Variants in PLCG2 observed in about 807,000 individuals in gnomAD.
The protein encoded by PLCG2 is phospholipase C gamma 2, also known as 1-phosphatidylinositol 4,5-bisphosphate phosphodiesterase gamma-2.
A neutral mutation model predicts 175.6 loss-of-function variants in PLCG2; 69 were observed. The ratio of observed to expected loss-of-function variants is 0.39; its 90% CI spans 0.32 to 0.48. PLCG2 has a LOEUF of 0.48. PLCG2 is among the 20% of genes least tolerant of loss of function. The pLI, the probability that PLCG2 is intolerant of heterozygous loss-of-function variation, is 0.91. For synonymous variants in PLCG2, 827 were observed against 624.0 expected, an observed-to-expected ratio of 1.33 and a Z score of -4.85; for missense variants, 1,798 against 1,650.9, an observed-to-expected ratio of 1.09 and a Z score of -1.54.
chr16:81,792,744 G>C (rs533450531), intron 2 of PLCG2, among the ~76,000 whole-genome samples: 191 of 152,108 alleles, frequency 1.3e-3, no homozygotes, highest in African/African-American at 4.4e-3. Context: ...ACTATCACGA[G>C]AACAGCATGG....
intron 14 of PLCG2, among the ~76,000 whole-genome samples, chr16:81,903,095 C>T (rs371885731): frequency 4.6e-5 from 7 of 152,116 alleles, no homozygotes. Context: ...CTCCAAATAC[C>T]ATTACATTGG....
At chr16:81,896,916 G>A (rs962570955) in intron 13 of PLCG2, among the ~76,000 whole-genome samples, 1 of 152,208 alleles carries the variant, frequency 6.6e-6, no homozygotes, top group Non-Finnish European at 1.5e-5. Context: ...TCTGACCTCA[G>A]GTGTAATCCT....
intron 2 of PLCG2, among the ~76,000 whole-genome samples, chr16:81,812,206 C>A (rs778439663): frequency 3.9e-5 from 6 of 152,072 alleles, no homozygotes; most frequent in Admixed American, 6.6e-5. Flanking sequence ...CCTGCCACCG[C>A]GCCTGGCTAA....
chr16:81,889,062 C>A (rs1026172210), intron 9 of PLCG2, 110 bp from the exon 10 acceptor site: 2 of 644,574 alleles, frequency 3.1e-6, no homozygotes, highest in South Asian at 3.8e-5. Flanking sequence ...CAAGTGAATT[C>A]GGAATTGGTT....
At chr16:81,956,308 T>C (rs970943885) in intron 31 of PLCG2, among the ~76,000 whole-genome samples, 4 of 152,202 alleles carry the variant, frequency 2.6e-5, no homozygotes, top group Admixed American at 1.3e-4. Flanking sequence ...GCTGTTTTTT[T>C]CTCCTCTGCT....
At chr16:81,872,499 A>G (rs890583781) in intron 7 of PLCG2, among the ~76,000 whole-genome samples, 1 of 152,126 alleles carries the variant, frequency 6.6e-6, no homozygotes, top group African/African-American at 2.4e-5. Context: ...TGCACAGCTC[A>G]TTTTCTGTGA....
chr16:81,784,689 G>C (rs1411344866), intron 1 of PLCG2, among the ~76,000 whole-genome samples: 3 of 152,110 alleles, frequency 2.0e-5, no homozygotes, highest in Non-Finnish European at 2.9e-5. Context: ...TTGTTTTAAG[G>C]GCCTGAGATA....
At chr16:81,908,898 G>A (rs577450967) in intron 17 of PLCG2, among the ~76,000 whole-genome samples, 53 of 152,356 alleles carry the variant, frequency 3.5e-4, no homozygotes, top group Non-Finnish European at 5.7e-4. Context: ...CTTAGATGAT[G>A]TGGTCTCACT....
chr16:81,905,977 GC>G (rs1193850512), intron 15 of PLCG2, among the ~76,000 whole-genome samples: 3 of 152,050 alleles, frequency 2.0e-5, no homozygotes, highest in African/African-American at 7.2e-5. Flanking sequence ...TTTTCCTTTT[GC>G]ATTTTTAATG....
At chr16:81,956,414 A>G (rs185783519) in intron 31 of PLCG2, among the ~76,000 whole-genome samples, 1 of 152,336 alleles carries the variant, frequency 6.6e-6, no homozygotes, top group East Asian at 1.9e-4. Flanking sequence ...GGGTTAGATT[A>G]AGAAATAGGA....
chr16:81,858,340 C>T lies in PLCG2; in HGVS notation c.415C>T (p.Pro139Ser). 4 of 1,613,050 alleles carry T rather than the reference C, an allele frequency of 2.5e-6. No homozygotes were observed. Among genetic ancestry groups the T allele is most frequent in the Non-Finnish European group, 2.5e-6 (3 of 1,179,012 alleles). Reference protein sequence around the residue: ...LHQEAMNASTPTIIESWLRKQ... With the variant: ...LHQEAMNASTSTIIESWLRKQ... Reference sequence around the variant, plus strand: ...CCAGGAAGCGATGAATGCGTCCACGCCCACCATTATCGAGAGGTAGTTGGC... The same window carrying T: ...CCAGGAAGCGATGAATGCGTCCACGTCCACCATTATCGAGAGGTAGTTGGC... Residue 139 changes from proline (P) to serine (S), a missense_variant, in exon 4 of 33, where the codon CCC becomes TCC. Physicochemically the swap from Pro to Ser is moderately conservative, Grantham distance 74. Transcript: ENST00000564138.
intron 1 of PLCG2, among the ~76,000 whole-genome samples, chr16:81,746,078 A>T (rs545766179): frequency 6.6e-6 from 1 of 152,292 alleles, no homozygotes; most frequent in African/African-American, 2.4e-5. Context: ...GCCCCTAGAA[A>T]ACTCAATAGG....
Position 81,826,873 on chromosome 16 carries a change from G to C in PLCG2, c.194-27571G>C, listed in dbSNP as rs547008939. 5.9e-5 allele frequency among the ~76,000 whole-genome samples: 9 copies of C among 152,268 alleles called. No homozygotes were observed. In the South Asian group the frequency reaches 1.9e-3, roughly 32 times the overall value. ...TGAGTAATTGCTGGGTTTTTAAAAA[G>C]TTCTTCTTCTGTATCCATTTGAGGT... On this transcript the variant is annotated intron_variant, in intron 2 of 32. Transcript: ENST00000564138.
At chr16:81,746,589 A>G (rs59515118) in intron 1 of PLCG2, among the ~76,000 whole-genome samples, 3,278 of 152,280 alleles carry the variant, frequency 0.022, 125 homozygotes, top group African/African-American at 0.074. Context: ...CGTTTTGTCA[A>G]TCTCCAACCC....
intron 27 of PLCG2, 92 bp from the exon 28 acceptor site, chr16:81,937,666 A>G: frequency 1.9e-6 from 2 of 1,068,490 alleles, no homozygotes; most frequent in South Asian, 1.6e-5. Context: ...TTTGGGGAAA[A>G]GGTGAAATTC....
rs949796956 is a variant in PLCG2 at position 81,961,074 on chromosome 16, T to C, written c.*3076T>C. 1.3e-5 allele frequency: 3 copies of C among 231,278 alleles called. No individual in the cohort carries two copies. Among genetic ancestry groups the C allele is most frequent in the Non-Finnish European group, 2.6e-5 (3 of 116,980 alleles). The allele number at this position is 231,278 out of a possible 1,614,324, so 14.3% of individuals were successfully genotyped here. A position where few individuals can be genotyped will look rare whatever the true frequency, so the allele number is the denominator to read the frequency against. On this transcript the variant is annotated 3_prime_UTR_variant, in exon 33 of 33. Transcript: ENST00000564138. The stretch of plus-strand genomic sequence containing the variant: ...GGGCACAAATCTTTTTGCAAATGGA[T>C]TTTCCAAGTTTTTCTGGTGGTTCCA...
At chr16:81,763,068 TA>T (rs1910073885) in intron 2 of PLCG2, among the ~76,000 whole-genome samples, 1 of 152,114 alleles carries the variant, frequency 6.6e-6, no homozygotes, top group Non-Finnish European at 1.5e-5. Flanking sequence ...TAAAAATAAT[TA>T]AATCAACAAA....
chr16:81,936,910 G>A (rs2143728387), intron 27 of PLCG2, among the ~76,000 whole-genome samples: 1 of 152,274 alleles, frequency 6.6e-6, no homozygotes, highest in Middle Eastern at 3.4e-3. Flanking sequence ...CCACAGAATG[G>A]AACAATCATT....
At position 81,938,885 on chromosome 16, in the gene PLCG2, GACA is replaced by G. The variant is rs749338323; in HGVS notation, c.3291_3293del (p.Asn1097del). On this transcript the variant is annotated inframe_deletion, in exon 29 of 33. Transcript: ENST00000564138. ...AGTGGAGATCTGTGGAGCCGAGTAT[GACA>G]ACAACAAGTTCAAGACGACGGTTGT... 63 of 1,611,446 alleles carry G rather than the reference GACA, an allele frequency of 3.9e-5. No individual in the cohort carries two copies. Among genetic ancestry groups the G allele is most frequent in the Admixed American group, 1.0e-4 (6 of 59,888 alleles).
Sources: allele counts gnomAD v4.1 joint callset (sites outside exome capture counted in the v4.1 genomes callset), GRCh38; gene constraint gnomAD v4.1.1; transcripts MANE v1.5; gene names NCBI Gene and HGNC (gene_info 2026-07-23, HGNC 2026-07-21).